The following LINGO2 variants were observed in gnomAD, a reference collection of about 807,000 sequenced individuals.
The protein encoded by LINGO2 is leucine-rich repeat and immunoglobulin-like domain-containing nogo receptor-interacting protein 2.
A neutral mutation model predicts 30.6 loss-of-function variants in LINGO2; 14 were observed. The ratio of observed to expected loss-of-function variants is 0.46; its 90% confidence interval spans 0.30 to 0.72. The LOEUF (loss-of-function observed/expected upper bound fraction) is 0.72, where lower values mean the gene tolerates loss of function less well. Among genes scored for constraint, LINGO2 ranks in the 30% least tolerant of loss-of-function variants. The probability of loss-of-function intolerance (pLI) is 0.07; values close to 1 mark genes in which losing one functional copy is unlikely to be tolerated. For missense variants in LINGO2, 729 were observed against 751.7 expected, an observed-to-expected ratio of 0.97 and a Z score of 0.35; for synonymous variants, 317 against 288.5, an observed-to-expected ratio of 1.10 and a Z score of -1.00.
intron 5 of LINGO2, among the ~76,000 whole-genome samples, chr9:27,975,732 T>A (rs894169194): frequency 7.9e-5 from 12 of 152,166 alleles, no homozygotes; most frequent in African/African-American, 2.7e-4. Flanking sequence ...TTATGTCTTA[T>A]TTCATAAAAC....
chr9:28,417,497 A>C (rs1823011524), intron 2 of LINGO2, among the ~76,000 whole-genome samples: 1 of 152,196 alleles, frequency 6.6e-6, no homozygotes, highest in African/African-American at 2.4e-5. Flanking sequence ...TACACTACAT[A>C]ATTATTAGGA....
At chr9:28,700,094 A>AT in the LINGO2 span, among the ~76,000 whole-genome samples, 1 of 151,994 alleles carries the variant, frequency 6.6e-6, no homozygotes, top group East Asian at 1.9e-4. Context: ...GAAATCCTTA[A>AT]TAAAAACCTG....
At chr9:28,436,609 C>T (rs1823945160) in intron 2 of LINGO2, among the ~76,000 whole-genome samples, 1 of 152,072 alleles carries the variant, frequency 6.6e-6, no homozygotes, top group African/African-American at 2.4e-5. Flanking sequence ...AGGTGCCCGC[C>T]ACCACGACCG....
At chr9:28,853,995 TC>T in the LINGO2 span, among the ~76,000 whole-genome samples, 1 of 152,084 alleles carries the variant, frequency 6.6e-6, no homozygotes, top group Admixed American at 6.6e-5. Flanking sequence ...AATAAAATCA[TC>T]TATATAAATT....
At chr9:29,068,595 G>GT in the LINGO2 span, among the ~76,000 whole-genome samples, 1 of 151,786 alleles carries the variant, frequency 6.6e-6, no homozygotes, top group Admixed American at 6.6e-5. Context: ...TAGCAACTCT[G>GT]TGCAAATAGT....
chr9:28,139,343 G>T (rs1827610159), intron 4 of LINGO2, among the ~76,000 whole-genome samples: 1 of 152,164 alleles, frequency 6.6e-6, no homozygotes, highest in Non-Finnish European at 1.5e-5. Context: ...GACAAATAGT[G>T]GATACATGTG....
At chr9:28,376,285 C>A (rs7875122) in intron 2 of LINGO2, among the ~76,000 whole-genome samples, 152 of 151,208 alleles carry the variant, frequency 1.0e-3, no homozygotes, top group African/African-American at 3.4e-3. Flanking sequence ...AGAAGAGAAG[C>A]GAAGCGAGAG....
At chr9:28,732,332 C>A in the LINGO2 span, among the ~76,000 whole-genome samples, 9 of 151,202 alleles carry the variant, frequency 6.0e-5, no homozygotes, top group Admixed American at 5.3e-4. Context: ...AAATATCATA[C>A]AACAGGGGTT....
chr9:28,662,142 G>A (rs1828608636), intron 1 of LINGO2, among the ~76,000 whole-genome samples: 1 of 152,124 alleles, frequency 6.6e-6, no homozygotes, highest in African/African-American at 2.4e-5. Flanking sequence ...ATTACATGTG[G>A]AACATGCACT....
At chr9:27,967,889 A>G (rs1820175203) in intron 5 of LINGO2, among the ~76,000 whole-genome samples, 1 of 152,192 alleles carries the variant, frequency 6.6e-6, no homozygotes, top group Non-Finnish European at 1.5e-5. Context: ...TGCAACCTTT[A>G]AAACAATTAT....
At chr9:28,410,440 C>T (rs758830320) in intron 2 of LINGO2, among the ~76,000 whole-genome samples, 7 of 152,012 alleles carry the variant, frequency 4.6e-5, no homozygotes, top group Admixed American at 3.3e-4. Context: ...AAGAATGTTC[C>T]CCTGCTCCCC....
At chr9:28,308,425 T>A (rs1157959954) in intron 3 of LINGO2, among the ~76,000 whole-genome samples, 1 of 141,520 alleles carries the variant, frequency 7.1e-6, no homozygotes, top group African/African-American at 2.7e-5. Context: ...TATACAAAAA[T>A]TAATTCAAGA....
At chr9:28,377,446 C>T (rs1282112158) in intron 2 of LINGO2, among the ~76,000 whole-genome samples, 1 of 152,054 alleles carries the variant, frequency 6.6e-6, no homozygotes, top group Non-Finnish European at 1.5e-5. Context: ...ATGTCTTAAC[C>T]TACTGTTTAT....
chr9:28,023,566 G>A (rs1197918), intron 4 of LINGO2, among the ~76,000 whole-genome samples: 45,346 of 151,990 alleles, frequency 0.3, 7,396 homozygotes, highest in East Asian at 0.46. Context: ...TTGTGGTTAT[G>A]ACCTTACAAG....
the LINGO2 span, among the ~76,000 whole-genome samples, chr9:28,772,354 T>A: frequency 6.6e-6 from 1 of 152,206 alleles, no homozygotes; most frequent in Non-Finnish European, 1.5e-5. Flanking sequence ...CTTCTCTCTG[T>A]CATCTTTACT....
chr9:28,012,460 ACCTTCTC>A (rs1399019184), intron 4 of LINGO2: 1 of 151,980 alleles, frequency 6.6e-6, no homozygotes, highest in Non-Finnish European at 1.5e-5. Context: ...CTAGGTTCTA[ACCTTCTC>A]TACTGCCTTT....
intron 4 of LINGO2, among the ~76,000 whole-genome samples, chr9:28,015,591 C>T (rs757683970): frequency 1.3e-5 from 2 of 152,004 alleles, no homozygotes; most frequent in Non-Finnish European, 2.9e-5. Context: ...ATTTTCAAAG[C>T]AATTATTACA....
At chr9:29,154,291 C>CAA in the LINGO2 span, among the ~76,000 whole-genome samples, 6,383 of 150,004 alleles carry the variant, frequency 0.043, 192 homozygotes, top group Admixed American at 0.08. Context: ...ACTAAAAATA[C>CAA]AAAAAAAAAT....
In LINGO2 at chr9:28,530,060, G is replaced by C. The variant is rs111957698; in HGVS notation, c.-364-54035C>G. Among the ~76,000 whole-genome samples the C allele has an allele frequency of 6.5e-4, 99 of 151,940 alleles. 1 individual carries two copies. Among genetic ancestry groups the C allele is most frequent in the African/African-American group, 2.2e-3 (90 of 41,432 alleles). On this transcript the variant is annotated intron_variant, in intron 1 of 5. Coordinates refer to ENST00000379992, the Ensembl canonical transcript of LINGO2. ...TAGGAAGTGATTCTTGAGCTTTTTG[G>C]GGGGAGTGAAAGCTGGTTGGAGCAG...
Sources: gnomAD v4.1 joint callset for allele counts (sites outside exome capture counted in the v4.1 genomes callset) on GRCh38, gnomAD v4.1.1 for gene constraint, MANE v1.5 for transcripts, NCBI Gene and HGNC (gene_info 2026-07-23, HGNC 2026-07-21) for gene names.